TRPS1: variants seen among roughly 807,000 people sequenced by gnomAD.
TRPS1 encodes the protein zinc finger transcription factor Trps1.
In TRPS1, 6 loss-of-function variants were observed where a neutral mutation model predicts 101.2. The observed-to-expected ratio is 0.06, with a 90% confidence interval of 0.03 to 0.12. The LOEUF (loss-of-function observed/expected upper bound fraction) is 0.12. Ranked by LOEUF, TRPS1 falls within the 10% of genes least tolerant of loss-of-function variation. TRPS1 has a pLI of 1.00. For missense variants in TRPS1, 1,363 were observed against 1,567.0 expected (o/e 0.87, Z 2.20); for synonymous variants, 578 against 589.8 (o/e 0.98, Z 0.29).
intron 5 of TRPS1, among the ~76,000 whole-genome samples, chr8:115,507,983 C>A (rs1815488864): frequency 6.6e-6 from 1 of 151,810 alleles, no homozygotes. Flanking sequence ...TTCTTTGTTC[C>A]TTGAAAAAAA....
chr8:115,492,930 GT>G (rs1815064328), intron 5 of TRPS1, among the ~76,000 whole-genome samples: 1 of 152,098 alleles, frequency 6.6e-6, no homozygotes, highest in Non-Finnish European at 1.5e-5. Context: ...GGCCAGGCTG[GT>G]TTTGAACACT....
At chr8:115,563,650 G>A (rs1444572186) in intron 5 of TRPS1, among the ~76,000 whole-genome samples, 30 of 152,102 alleles carry the variant, frequency 2.0e-4, no homozygotes. Flanking sequence ...CTTTAACAAT[G>A]TAAATCTTCC....
At chr8:115,487,411 T>A (rs1388009779) in intron 5 of TRPS1, among the ~76,000 whole-genome samples, 2 of 152,080 alleles carry the variant, frequency 1.3e-5, no homozygotes, top group East Asian at 3.9e-4. Context: ...CAGGAGTAAT[T>A]AGGACTTTTC....
chr8:115,603,735 C>T, intron 4 of TRPS1, 138 bp downstream of exon 4: 1 of 1,027,374 alleles, frequency 9.7e-7, no homozygotes. Flanking sequence ...CTGTGATGAA[C>T]TTTTATGTGG....
intron 5 of TRPS1, among the ~76,000 whole-genome samples, chr8:115,454,518 T>C (rs1158212206): frequency 1.3e-5 from 2 of 152,204 alleles, no homozygotes. Context: ...TTAATTTTTT[T>C]CCTCTGAGCC....
intron 5 of TRPS1, among the ~76,000 whole-genome samples, chr8:115,455,366 T>A (rs1049216437): frequency 1.3e-5 from 2 of 152,236 alleles, no homozygotes; most frequent in South Asian, 4.1e-4. Context: ...TACCTAATAA[T>A]GGAAGCTATA....
intron 5 of TRPS1, among the ~76,000 whole-genome samples, chr8:115,488,950 C>G (rs1175729394): frequency 6.6e-6 from 1 of 152,106 alleles, no homozygotes; most frequent in African/African-American, 2.4e-5. Flanking sequence ...AACATTTTAG[C>G]AGGCTGCAGT....
Position 115,413,702 on chromosome 8 carries a change from T to C in TRPS1, c.*321A>G. On this transcript the variant is annotated 3_prime_UTR_variant, in exon 7 of 7. Transcript: ENST00000395715. ...TCTAGACAGTTTTGGTCTCTTTCTT[T>C]ATAAATATATTAATTCTAGTCTGGT... The C allele has an allele frequency of 3.7e-6, 1 of 272,980 alleles. No homozygotes were observed. The allele number at this position is 272,980 out of a possible 1,614,324, so 16.9% of individuals were successfully genotyped here.
At chr8:115,449,017 T>C (rs1293662620) in intron 5 of TRPS1, among the ~76,000 whole-genome samples, 2 of 152,214 alleles carry the variant, frequency 1.3e-5, no homozygotes, top group African/African-American at 4.8e-5. Flanking sequence ...TTCTACTTTC[T>C]AATGAATTTC....
At position 115,604,061 on chromosome 8, in the gene TRPS1, G is replaced by A. The variant is rs1029558451; in HGVS notation, c.1908C>T (p.Thr636=). ...GAAAGAGGAGTACATCTACGTCAGG[G>A]GTGGTGAATGAACACTGATGGCACT... ...KHQCHQCSFT[T]PDVDVLLFHY... Residue 636 remains threonine, a synonymous_variant, in exon 4 of 7, where the codon ACC becomes ACT. Coordinates refer to ENST00000395715, the MANE Select transcript of TRPS1 (RefSeq NM_014112.5). This position sits in a 1 kb window ranked among gnomAD's most constrained non-coding sequence, Gnocchi z 4.1. 6.2e-7 allele frequency: 1 copy of A among 1,614,028 alleles called. No homozygotes were observed. The highest frequency in any genetic ancestry group is 8.5e-7 in the Non-Finnish European group (1 of 1,179,988).
At chr8:115,580,266 GA>G (rs1229003097) in intron 5 of TRPS1, among the ~76,000 whole-genome samples, 2 of 144,956 alleles carry the variant, frequency 1.4e-5, no homozygotes, top group African/African-American at 5.2e-5. Context: ...ATATATATAT[GA>G]GAGACAATGG....
rs1440817974 is a variant in TRPS1 at position 115,413,964 on chromosome 8, G to C, written c.*59C>G. 2.6e-5 allele frequency: 40 copies of C among 1,536,304 alleles called. No individual in the cohort carries two copies. Among genetic ancestry groups the C allele is most frequent in the Non-Finnish European group, 3.6e-5 (40 of 1,119,766 alleles). On this transcript the variant is annotated 3_prime_UTR_variant, in exon 7 of 7. Transcript: ENST00000395715. ...AATAGGTCTTCATAAGACATTACAA[G>C]CTATTGAATTCCCATCAAGAAAACC...
chr8:115,546,859 C>T (rs1816586126), intron 5 of TRPS1, among the ~76,000 whole-genome samples: 2 of 152,094 alleles, frequency 1.3e-5, no homozygotes, highest in South Asian at 2.1e-4. Flanking sequence ...GTTGGTAAAA[C>T]AGAAGCACAG....
At chr8:115,522,010 A>C (rs954469291) in intron 5 of TRPS1, among the ~76,000 whole-genome samples, 1 of 151,982 alleles carries the variant, frequency 6.6e-6, no homozygotes, top group African/African-American at 2.4e-5. Context: ...TGAGAAAGAC[A>C]TAAAACTATG....
chr8:115,471,556 T>C (rs1814470182), intron 5 of TRPS1, among the ~76,000 whole-genome samples: 1 of 152,030 alleles, frequency 6.6e-6, no homozygotes. Flanking sequence ...CCCTCCCAAA[T>C]CTCATGCCCT....
At chr8:115,630,919 C>G (rs1219398561) in intron 1 of TRPS1, among the ~76,000 whole-genome samples, 1 of 152,016 alleles carries the variant, frequency 6.6e-6, no homozygotes, top group African/African-American at 2.4e-5. Flanking sequence ...TTTTAAGAAA[C>G]TTACAAGAGA....
At chr8:115,627,753 A>C (rs745847905) in intron 1 of TRPS1, among the ~76,000 whole-genome samples, 1 of 151,808 alleles carries the variant, frequency 6.6e-6, no homozygotes, top group African/African-American at 2.4e-5. Context: ...AATAGAAAAG[A>C]AAATCTCAAT....
chr8:115,441,290 T>G (rs1378144255), intron 5 of TRPS1, among the ~76,000 whole-genome samples: 3 of 152,246 alleles, frequency 2.0e-5, no homozygotes, highest in Non-Finnish European at 4.4e-5. Flanking sequence ...CAATAAACTA[T>G]TTCTAGTTTT....
At chr8:115,569,772 G>A (rs755074985) in intron 5 of TRPS1, among the ~76,000 whole-genome samples, 2 of 151,994 alleles carry the variant, frequency 1.3e-5, no homozygotes, top group Non-Finnish European at 2.9e-5. Flanking sequence ...GAAGGAAGCA[G>A]TATATTGGTA....
Sources: allele counts gnomAD v4.1 joint callset (sites outside exome capture counted in the v4.1 genomes callset), GRCh38; gene constraint gnomAD v4.1.1; non-coding constraint Gnocchi (gnomAD v3.1); transcripts MANE v1.5; gene names NCBI Gene and HGNC (gene_info 2026-07-23, HGNC 2026-07-21).